EFCAB5: variants seen among roughly 807,000 people sequenced by gnomAD.
EFCAB5 encodes the protein EF-hand calcium-binding domain-containing protein 5.
EFCAB5 carries 131 observed loss-of-function variants against 167.9 expected under a neutral mutation model. The ratio of observed to expected loss-of-function variants is 0.78; its 90% CI spans 0.68 to 0.90. The LOEUF is 0.90. EFCAB5 is among the 40% of genes least tolerant of loss of function. The pLI is 0.00. For synonymous variants in EFCAB5, 574 were observed against 602.8 expected (o/e 0.95, Z 0.70); for missense variants, 1,663 against 1,745.2 (o/e 0.95, Z 0.84).
chr17:30,023,902 A>G (rs541053197), intron 7 of EFCAB5, among the ~76,000 whole-genome samples: 128 of 152,354 alleles, frequency 8.4e-4, no homozygotes, highest in African/African-American at 2.9e-3. Flanking sequence ...AATGTAATCC[A>G]GCATATAAAC....
chr17:29,948,595 A>G (rs912170652), intron 3 of EFCAB5, among the ~76,000 whole-genome samples: 4 of 152,190 alleles, frequency 2.6e-5, no homozygotes, highest in African/African-American at 4.8e-5. Context: ...CAACAGGTCA[A>G]AGGAAGTGTC....
upstream of EFCAB5, among the ~76,000 whole-genome samples, chr17:29,941,434 C>T (rs1295002219): frequency 1.3e-5 from 2 of 151,882 alleles, no homozygotes; most frequent in Admixed American, 6.6e-5. Context: ...TTTACCTCAC[C>T]TTGTTATCTC....
At chr17:29,951,283 C>G (rs2067503174) in intron 3 of EFCAB5, among the ~76,000 whole-genome samples, 1 of 152,168 alleles carries the variant, frequency 6.6e-6, no homozygotes, top group Non-Finnish European at 1.5e-5. Context: ...TGGATACTAT[C>G]TAAATAAGAT....
At chr17:30,060,996 A>G (rs1038548995) in intron 14 of EFCAB5, among the ~76,000 whole-genome samples, 1 of 152,214 alleles carries the variant, frequency 6.6e-6, no homozygotes, top group African/African-American at 2.4e-5. Flanking sequence ...CCTAAGGGTA[A>G]TGTTATAAGG....
chr17:29,977,092 A>C (rs905792359), intron 4 of EFCAB5, among the ~76,000 whole-genome samples: 1 of 151,688 alleles, frequency 6.6e-6, no homozygotes, highest in Non-Finnish European at 1.5e-5. Context: ...TTTTCTTCAT[A>C]TTTTCTTTTC....
At chr17:29,938,474 C>G (rs2067263690), upstream of EFCAB5, among the ~76,000 whole-genome samples, 1 of 152,132 alleles carries the variant, frequency 6.6e-6, no homozygotes, top group South Asian at 2.1e-4. Context: ...GAGTTTGCCA[C>G]ATTGATTGAC....
chr17:30,023,210 A>G (rs912314222), intron 7 of EFCAB5, among the ~76,000 whole-genome samples: 1 of 152,192 alleles, frequency 6.6e-6, no homozygotes, highest in Non-Finnish European at 1.5e-5. Flanking sequence ...TAGAGACAAA[A>G]AAAACCCTTC....
intron 3 of EFCAB5, among the ~76,000 whole-genome samples, chr17:29,956,343 C>T (rs2067614865): frequency 6.6e-6 from 1 of 152,224 alleles, no homozygotes; most frequent in Admixed American, 6.5e-5. Flanking sequence ...ATCAGAGCAA[C>T]TCCAGGGCTA....
intron 14 of EFCAB5, among the ~76,000 whole-genome samples, chr17:30,067,421 T>C (rs1038050641): frequency 1.3e-5 from 2 of 152,048 alleles, no homozygotes; most frequent in African/African-American, 4.8e-5. Context: ...TTGAGACTAG[T>C]CTGGGCAACA....
At chr17:29,993,356 G>C in intron 5 of EFCAB5, 35 bp downstream of exon 5, 2 of 1,586,508 alleles carry the variant, frequency 1.3e-6, no homozygotes, top group Non-Finnish European at 1.7e-6. Context: ...AAAGGTAGGT[G>C]GGGTAAGTGG....
chr17:30,106,156 G>A (rs1313491936), intron 22 of EFCAB5, among the ~76,000 whole-genome samples: 2 of 151,980 alleles, frequency 1.3e-5, no homozygotes, highest in Admixed American at 1.3e-4. Context: ...CAGGTGCAGT[G>A]GCTCATGGCT....
intron 8 of EFCAB5, 130 bp downstream of exon 8, chr17:30,034,515 A>G: frequency 4.8e-6 from 5 of 1,040,532 alleles, no homozygotes; most frequent in Non-Finnish European, 4.1e-6. Context: ...CCTGGACAAC[A>G]TGGTGAAACC....
At chr17:29,939,293 A>G (rs1223554919), upstream of EFCAB5, among the ~76,000 whole-genome samples, 1 of 152,242 alleles carries the variant, frequency 6.6e-6, no homozygotes, top group African/African-American at 2.4e-5. Flanking sequence ...ATGTGCTGTC[A>G]TCCAGACTTT....
At chr17:30,000,403 T>C (rs1413641522) in intron 7 of EFCAB5, among the ~76,000 whole-genome samples, 1 of 152,230 alleles carries the variant, frequency 6.6e-6, no homozygotes, top group Non-Finnish European at 1.5e-5. Context: ...ACTTGCACAC[T>C]GTTTCACAAT....
At chr17:30,062,430 C>A (rs1403993009) in intron 14 of EFCAB5, among the ~76,000 whole-genome samples, 2 of 152,310 alleles carry the variant, frequency 1.3e-5, no homozygotes, top group African/African-American at 4.8e-5. Context: ...AGGATCCCAG[C>A]AACCCCCATT....
Position 30,054,111 on chromosome 17 carries a change from G to C in EFCAB5, c.2157G>C (p.Glu719Asp). 1 of 1,573,638 alleles carries C rather than the reference G, an allele frequency of 6.4e-7. No homozygotes were observed. The highest frequency in any genetic ancestry group is 8.6e-7 in the Non-Finnish European group (1 of 1,160,292). The change falls in exon 10 of 23, where the codon GAG becomes GAC. Residue 719 changes from glutamate (E) to aspartate (D), a missense_variant. By Grantham distance (45) the Glu-to-Asp change is conservative. Coordinates refer to ENST00000394835, the MANE Select transcript of EFCAB5 (RefSeq NM_198529.4). ...TATTCCTGAGTTCTGAACTGCAAGAGGAAGTTCCAACCTTAAGCAGAAAAG... is the reference window on the plus strand; with the variant it reads ...TATTCCTGAGTTCTGAACTGCAAGACGAAGTTCCAACCTTAAGCAGAAAAG... ...EEIFLSSELQ[E>D]EVPTLSRKDH... is the part of the protein sequence containing the mutation.
intron 2 of EFCAB5, among the ~76,000 whole-genome samples, chr17:29,943,104 A>G (rs969040835): frequency 6.6e-6 from 1 of 151,926 alleles, no homozygotes; most frequent in Non-Finnish European, 1.5e-5. Context: ...TACAAAAACT[A>G]TTTTGTTGCT....
intron 7 of EFCAB5, among the ~76,000 whole-genome samples, chr17:30,003,793 T>C (rs1215877788): frequency 6.6e-6 from 1 of 152,220 alleles, no homozygotes; most frequent in Non-Finnish European, 1.5e-5. Context: ...CATCTCAGTG[T>C]TGGCATCTGC....
At chr17:29,984,742 A>T (rs1294520766) in intron 4 of EFCAB5, among the ~76,000 whole-genome samples, 4 of 152,122 alleles carry the variant, frequency 2.6e-5, no homozygotes, top group Non-Finnish European at 5.9e-5. Flanking sequence ...AATAAATAAA[A>T]ATAAAATACT....
Sources: gnomAD v4.1 joint callset for allele counts (sites outside exome capture counted in the v4.1 genomes callset) on GRCh38, gnomAD v4.1.1 for gene constraint, MANE v1.5 for transcripts, NCBI Gene and HGNC (gene_info 2026-07-23, HGNC 2026-07-21) for gene names.